The following ITIH6 variants were observed in gnomAD, a reference collection of about 807,000 sequenced individuals.
ITIH6 encodes inter-alpha-trypsin inhibitor heavy chain H6.
A neutral mutation model predicts 58.2 loss-of-function variants in ITIH6; 60 were observed. The ratio of observed to expected loss-of-function variants is 1.03; its 90% CI spans 0.84 to 1.28. The LOEUF (loss-of-function observed/expected upper bound fraction) is 1.28. Among genes scored for constraint, ITIH6 ranks in the 50% most tolerant of loss-of-function variants. The pLI is 0.00. For missense variants in ITIH6, 1,290 were observed against 1,021.1 expected (o/e 1.26, Z -3.59); for synonymous variants, 493 against 417.4 (o/e 1.18, Z -2.21).
At chrX:54,764,409 C>A (rs1165556199) in intron 6 of ITIH6, among the ~76,000 whole-genome samples, 1 of 107,724 alleles carries the variant, frequency 9.3e-6, no homozygotes, top group African/African-American at 3.4e-5. Flanking sequence ...TCCCTCCCCC[C>A]TTCCCCCTCC....
chrX:54,784,385 T>C (rs1471801585), intron 5 of ITIH6, among the ~76,000 whole-genome samples: 7 of 111,270 alleles, frequency 6.3e-5, no homozygotes, highest in Admixed American at 1.9e-4. Context: ...AGGGAAATGA[T>C]AAACAAAGTG....
intron 6 of ITIH6, among the ~76,000 whole-genome samples, chrX:54,773,271 T>G (rs1928989066): frequency 9.0e-6 from 1 of 111,251 alleles, no homozygotes; most frequent in South Asian, 3.8e-4. Flanking sequence ...CTTCTGAGAT[T>G]TTTACCCCTC....
chrX:54,758,887 G>C lies in ITIH6; in HGVS notation c.1187C>G (p.Thr396Arg). 8.3e-7 allele frequency: 1 copy of C among 1,210,781 alleles called. No homozygotes were observed. Among genetic ancestry groups the C allele is most frequent in the South Asian group, 1.8e-5 (1 of 56,757 alleles). Reference protein sequence around the residue: ...VGRIPLIIFLTDGEPTAGVTT... With the variant: ...VGRIPLIIFLRDGEPTAGVTT... Reference sequence around the variant, plus strand: ...CACGCCGGCCGTGGGCTCCCCATCCGTCAGGAAGATGATAAGAGGGATCCT... The same window carrying C: ...CACGCCGGCCGTGGGCTCCCCATCCCTCAGGAAGATGATAAGAGGGATCCT... Residue 396 changes from threonine to arginine, a missense_variant, in exon 8 of 13, where the codon ACG becomes AGG. Thr to Arg is a moderately conservative substitution (Grantham distance 71). Coordinates refer to ENST00000218436, the MANE Select transcript of ITIH6 (RefSeq NM_198510.3).
chrX:54,790,809 T>A, intron 4 of ITIH6, 28 bp downstream of exon 4: 2 of 1,209,332 alleles, frequency 1.7e-6, no homozygotes, highest in Non-Finnish European at 2.2e-6. Context: ...GCCAGTCTGA[T>A]GGGTGACCCA....
At chrX:54,750,405 A>G (rs1928329195) in intron 12 of ITIH6, among the ~76,000 whole-genome samples, 1 of 110,956 alleles carries the variant, frequency 9.0e-6, no homozygotes, top group Non-Finnish European at 1.9e-5. Context: ...GGAGGCCCAG[A>G]GGAGGTAAAA....
In ITIH6 at chrX:54,767,305, G is replaced by A. The variant is rs1318214207; in HGVS notation, c.903+6776C>T. Among the ~76,000 whole-genome samples the A allele has an allele frequency of 3.0e-3, 309 of 104,037 alleles. 6 individuals carry two copies. Among genetic ancestry groups the A allele is most frequent in the African/African-American group, 0.01 (288 of 28,038 alleles). The allele number at this position is 104,037 out of a possible 115,157, so 90.3% of individuals were successfully genotyped here. A position where few individuals can be genotyped will look rare whatever the true frequency, so the allele number is the denominator to read the frequency against. Reference sequence around the variant, plus strand: ...TTTTTTCTTTATTAGTCTTGCTAGCGGTCTATCAGTTTTGTTGATCCTTTC... The same window carrying A: ...TTTTTTCTTTATTAGTCTTGCTAGCAGTCTATCAGTTTTGTTGATCCTTTC... On this transcript the variant is annotated intron_variant, in intron 6 of 12. Transcript: ENST00000218436.
In ITIH6 at chrX:54,758,441, C is replaced by T. The variant is rs941841853; in HGVS notation, c.1633G>A (p.Ala545Thr). 8.3e-7 allele frequency: 1 copy of T among 1,209,838 alleles called. No homozygotes were observed. The highest frequency in any genetic ancestry group is 1.1e-6 in the Non-Finnish European group (1 of 894,547). ...SEGATNNSQKAFGCPGEPAPN... is the reference protein window; with the variant it reads ...SEGATNNSQKTFGCPGEPAPN... The stretch of plus-strand genomic sequence containing the variant: ...GCTGGCTCCCCTGGGCAACCAAAGG[C>T]CTTCTGGCTGTTGTTGGTGGCCCCT... Residue 545 changes from alanine (A) to threonine (T), a missense_variant, in exon 8 of 13, where the codon GCC becomes ACC. By Grantham distance (58) the Ala-to-Thr change is moderately conservative. Coordinates refer to ENST00000218436, the MANE Select transcript of ITIH6 (RefSeq NM_198510.3).
intron 5 of ITIH6, among the ~76,000 whole-genome samples, chrX:54,781,386 A>G (rs2147616517): frequency 8.9e-6 from 1 of 112,523 alleles, no homozygotes; most frequent in South Asian, 3.6e-4. Context: ...ATTTACAAGA[A>G]AAAAAACAAG....
chrX:54,751,434 A>G, intron 11 of ITIH6, 54 bp from the exon 12 acceptor site: 1 of 1,165,554 alleles, frequency 8.6e-7, no homozygotes, highest in Non-Finnish European at 1.2e-6. Context: ...GGTCATTTAC[A>G]TGGTCACCCA....
chrX:54,751,228 C>T lies in ITIH6; in HGVS notation c.3505G>A (p.Glu1169Lys), dbSNP rs953072607. 6.6e-6 allele frequency: 8 copies of T among 1,210,121 alleles called. No homozygotes were observed. Among genetic ancestry groups the T allele is most frequent in the African/African-American group, 1.7e-5 (1 of 57,253 alleles). The change falls in exon 12 of 13, where the codon GAG becomes AAG. Residue 1169 changes from glutamate (E) to lysine (K), a missense_variant. Physicochemically the swap from Glu to Lys is moderately conservative, Grantham distance 56. Coordinates refer to ENST00000218436, the MANE Select transcript of ITIH6 (RefSeq NM_198510.3). ...ISRSSISLRG[E>K]GTLRLSWDQP... The stretch of plus-strand genomic sequence containing the variant: ...TCCCAGGACAGGCGCAAGGTACCCT[C>T]GCCTCGCAAAGATATAGAACTGCGG...
chrX:54,759,259 G>C (rs1358296282), intron 7 of ITIH6, among the ~76,000 whole-genome samples: 1 of 110,832 alleles, frequency 9.0e-6, no homozygotes, highest in African/African-American at 3.3e-5. Context: ...AGGGTCGAGG[G>C]GGGAGATGTC....
chrX:54,776,434 G>A (rs1929055075), intron 5 of ITIH6, among the ~76,000 whole-genome samples: 1 of 110,228 alleles, frequency 9.1e-6, no homozygotes, highest in Non-Finnish European at 1.9e-5. Flanking sequence ...GACTTAGGGG[G>A]CACACAACCT....
intron 5 of ITIH6, among the ~76,000 whole-genome samples, chrX:54,774,900 C>T (rs766830957): frequency 1.3e-3 from 148 of 111,911 alleles, no homozygotes; most frequent in African/African-American, 4.3e-3. Context: ...CCAGTCTCAG[C>T]TCAGCTCAGG....
At position 54,757,271 on chromosome X, in the gene ITIH6, G is replaced by A. The variant is rs377078232; in HGVS notation, c.2803C>T (p.Leu935=). 3 of 1,190,649 alleles carry A rather than the reference G, an allele frequency of 2.5e-6. No individual in the cohort carries two copies. In the African/African-American group the frequency reaches 5.3e-5, roughly 21 times the overall value. ...EPLPMPFTPT[L]PPGRFWHQYD... is the part of the protein sequence containing the mutation. ...TGATGCCAGAACCTTCCAGGGGGCA[G>A]AGTGGGAGTAAAGGGCATGGGGAGG... The change falls in exon 8 of 13, where the codon CTG becomes TTG. Residue 935 remains leucine, a synonymous_variant. Transcript: ENST00000218436.
In ITIH6 at chrX:54,765,598, T is replaced by C. The variant is rs748149861; in HGVS notation, c.904-5671A>G. On this transcript the variant is annotated intron_variant, in intron 6 of 12. Coordinates refer to ENST00000218436, the MANE Select transcript of ITIH6 (RefSeq NM_198510.3). ...GTAAGCGGCATTATTTCTTTTCTTT[T>C]TTTTTTTTTTTTTTTTGAGACGGAG... 3.7e-3 allele frequency among the ~76,000 whole-genome samples: 370 copies of C among 100,402 alleles called. 2 individuals are homozygous for C. Among genetic ancestry groups the C allele is most frequent in the African/African-American group, 0.012 (335 of 27,618 alleles). The allele number at this position is 100,402 out of a possible 115,157, so 87.2% of individuals were successfully genotyped here.
In ITIH6 at chrX:54,751,271, G is replaced by A; in HGVS notation, c.3462C>T (p.Ala1154=). ...AACTGCGGCTGATGGTGATAGTATA[G>A]GCCCGGGGTTTGTCTGTAGTGACTG... ...IITVTTDKPR[A]YTITISRSSI... The change falls in exon 12 of 13, where the codon GCC becomes GCT. Residue 1154 remains alanine, a synonymous_variant. Transcript: ENST00000218436. The A allele has an allele frequency of 8.3e-7, 1 of 1,211,951 alleles. No individual in the cohort carries two copies. Among genetic ancestry groups the A allele is most frequent in the Middle Eastern group, 2.3e-4 (1 of 4,356 alleles).
chrX:54,780,413 G>A (rs1331456630), intron 5 of ITIH6, among the ~76,000 whole-genome samples: 3 of 112,133 alleles, frequency 2.7e-5, no homozygotes, highest in Non-Finnish European at 3.8e-5. Flanking sequence ...ACATGCTCCT[G>A]AATGAACAGT....
chrX:54,793,277 G>A (rs143148706), intron 2 of ITIH6, among the ~76,000 whole-genome samples: 1,386 of 111,203 alleles, frequency 0.012, 32 homozygotes, highest in African/African-American at 0.043. Flanking sequence ...GTAGGGACAT[G>A]GATGAAATTG....
chrX:54,760,197 A>G (rs1434845385), intron 6 of ITIH6, among the ~76,000 whole-genome samples: 1 of 112,019 alleles, frequency 8.9e-6, no homozygotes, highest in Non-Finnish European at 1.9e-5. Flanking sequence ...AAATTCAAAC[A>G]TTTAATTCTT....
Sources: allele counts gnomAD v4.1 joint callset (sites outside exome capture counted in the v4.1 genomes callset), GRCh38; gene constraint gnomAD v4.1.1; transcripts MANE v1.5; gene names NCBI Gene and HGNC (gene_info 2026-07-23, HGNC 2026-07-21).